RNPEPL1: variants seen among roughly 807,000 people sequenced by gnomAD.
The protein encoded by RNPEPL1 is arginyl aminopeptidase like 1, also known as aminopeptidase RNPEPL1.
RNPEPL1 carries 46 observed loss-of-function variants against 69.0 expected under a neutral mutation model. The ratio of observed to expected loss-of-function variants is 0.67; its 90% CI spans 0.53 to 0.85. RNPEPL1 has a LOEUF of 0.85. RNPEPL1 is among the 40% of genes least tolerant of loss of function. The pLI is 0.00. For missense variants in RNPEPL1, 869 were observed against 992.5 expected (o/e 0.88, Z 1.67); for synonymous variants, 525 against 454.1 (o/e 1.16, Z -1.98).
intron 8 of RNPEPL1, chr2:240,576,150 G>A (rs1189811789): frequency 6.5e-6 from 2 of 306,820 alleles, no homozygotes; most frequent in Non-Finnish European, 1.2e-5. Context: ...AATGGGCACT[G>A]CCCTTTAAGA....
chr2:240,572,998 G>C (rs931002419), intron 2 of RNPEPL1, 112 bp from the exon 3 acceptor site: 4 of 1,231,570 alleles, frequency 3.2e-6, no homozygotes, highest in Non-Finnish European at 4.4e-6. Flanking sequence ...GTTCCCTGAT[G>C]GGGATGTAGG....
chr2:240,574,945 C>G, intron 6 of RNPEPL1, 85 bp from the exon 7 acceptor site: 4 of 1,041,982 alleles, frequency 3.8e-6, no homozygotes, highest in Non-Finnish European at 6.0e-6. Flanking sequence ...CCTTGCTGCT[C>G]CTCGGAGCCT....
chr2:240,568,922 G>T lies in RNPEPL1; in HGVS notation c.336G>T (p.Gly112=). 1 of 1,311,656 alleles carries T rather than the reference G, an allele frequency of 7.6e-7. No homozygotes were observed. The highest frequency in any genetic ancestry group is 9.7e-7 in the Non-Finnish European group (1 of 1,035,802). 81.3% of individuals were successfully genotyped at this position (1,311,656 alleles called of 1,614,324 possible). Residue 112 remains glycine (G), a synonymous_variant, in exon 1 of 11, where the codon GGG becomes GGT. Transcript: ENST00000270357. This position sits in a 1 kb window ranked among gnomAD's most constrained non-coding sequence, Gnocchi z 6.2. ...TCGCCTTCTCCGCCCCCGGGCCGGG[G>T]CCCGCGCCGCCGCCCCCGCTGCCCG... ...CAFAFSAPGP[G]PAPPPPLPAF...
chr2:240,574,984 C>A, intron 6 of RNPEPL1, 46 bp from the exon 7 acceptor site: 1 of 1,421,804 alleles, frequency 7.0e-7, no homozygotes, highest in Non-Finnish European at 9.9e-7. Context: ...TTCCACGGGA[C>A]ACTGGTGGTT....
intron 2 of RNPEPL1, 94 bp from the exon 3 acceptor site, chr2:240,573,016 G>A: frequency 7.2e-7 from 1 of 1,387,324 alleles, no homozygotes; most frequent in South Asian, 1.5e-5. Flanking sequence ...AGGGTTTCCT[G>A]CTACGAATAT....
intron 1 of RNPEPL1, among the ~76,000 whole-genome samples, chr2:240,572,133 A>G (rs910634370): frequency 4.6e-5 from 7 of 152,258 alleles, no homozygotes; most frequent in Admixed American, 3.9e-4. Context: ...CCTTGGCGTT[A>G]GCTGGGAGAT....
intron 2 of RNPEPL1, among the ~76,000 whole-genome samples, 186 bp downstream of exon 2, chr2:240,572,749 G>C (rs967837376): frequency 1.3e-5 from 2 of 152,208 alleles, no homozygotes; most frequent in African/African-American, 2.4e-5. Context: ...GGGAAGCCGG[G>C]CTGCCTCCAA....
Position 240,578,058 on chromosome 2 carries a change from T to A in RNPEPL1, c.*166T>A. The A allele has an allele frequency of 1.6e-6, 1 of 625,032 alleles. No individual in the cohort carries two copies. Among genetic ancestry groups the A allele is most frequent in the Non-Finnish European group, 2.5e-6 (1 of 399,226 alleles). 38.7% of individuals were successfully genotyped at this position (625,032 alleles called of 1,614,324 possible). ...GGGAGAATGGGGAGAGGGACCTCCT[T>A]GTGTCTGGCAGAGACCTGTGGACCT... On this transcript the variant is annotated 3_prime_UTR_variant, in exon 11 of 11. Transcript: ENST00000270357.
intron 6 of RNPEPL1, 57 bp downstream of exon 6, chr2:240,574,685 C>CT: frequency 7.3e-7 from 1 of 1,368,454 alleles, no homozygotes; most frequent in Non-Finnish European, 1.0e-6. Context: ...TCAAGGCCTC[C>CT]TTGCCTGCCC....
rs765207204 is a variant in RNPEPL1, at chr2:240,574,308, G to A, written c.1134G>A (p.Leu378=). 10 of 1,605,394 alleles carry A rather than the reference G, an allele frequency of 6.2e-6. No homozygotes were observed. The Admixed American group carries it at 1.2e-4, about 19-fold the overall frequency. ...AAGAGATGTGGCTGAGCGAGGGCCT[G>A]GCCACCTATGCCCAGCGCCGTATCA... ...TWEEMWLSEG[L]ATYAQRRITT... The change falls in exon 5 of 11, where the codon CTG becomes CTA. Residue 378 remains leucine, a synonymous_variant. Transcript: ENST00000270357.
chr2:240,573,679 TG>T, intron 3 of RNPEPL1, 95 bp from the exon 4 acceptor site: 1 of 1,042,576 alleles, frequency 9.6e-7, no homozygotes, highest in Non-Finnish European at 1.4e-6. Context: ...GGGTGAGGTG[TG>T]GGTGTTACTG....
At position 240,577,586 on chromosome 2, in the gene RNPEPL1, G is replaced by A. The variant is rs371772644; in HGVS notation, c.1885-13G>A. On this transcript the variant is annotated splice_polypyrimidine_tract_variant and intron_variant, in intron 10 of 10. Transcript: ENST00000270357. Reference sequence around the variant, plus strand: ...GGGGAGCCCACCAGTGTGACCGAGTGCCCCTCCTGCAGATGTCACGCATGT... The same window carrying A: ...GGGGAGCCCACCAGTGTGACCGAGTACCCCTCCTGCAGATGTCACGCATGT... 8.4e-6 allele frequency: 13 copies of A among 1,545,102 alleles called. No individual in the cohort carries two copies. The highest frequency in any genetic ancestry group is 1.1e-5 in the Non-Finnish European group (13 of 1,137,080).
At chr2:240,573,732 C>T in intron 3 of RNPEPL1, 43 bp from the exon 4 acceptor site, 1 of 1,462,956 alleles carries the variant, frequency 6.8e-7, no homozygotes. Flanking sequence ...GTGAGCGGGG[C>T]TGGGGCTGCT....
rs904617042 is a variant in RNPEPL1 at position 240,580,835 on chromosome 2, A to G, written c.*2943A>G. ...TCAAAAAGGGAAAAGAAGCGTGATGAAAGACTGGTTTCTACAGAGATAGAT... is the reference window on the plus strand; with the variant it reads ...TCAAAAAGGGAAAAGAAGCGTGATGGAAGACTGGTTTCTACAGAGATAGAT... On this transcript the variant is annotated 3_prime_UTR_variant, in exon 11 of 11. Coordinates refer to ENST00000270357, the MANE Select transcript of RNPEPL1 (RefSeq NM_018226.6). 2.6e-5 allele frequency: 4 copies of G among 152,224 alleles called. No homozygotes were observed. Among genetic ancestry groups the G allele is most frequent in the Non-Finnish European group, 5.9e-5 (4 of 68,036 alleles). The allele number at this position is 152,224 out of a possible 1,614,324, so 9.4% of individuals were successfully genotyped here. A position where few individuals can be genotyped will look rare whatever the true frequency, so the allele number is the denominator to read the frequency against.
At chr2:240,575,360 T>G in intron 7 of RNPEPL1, 142 bp from the exon 8 acceptor site, 1 of 809,278 alleles carries the variant, frequency 1.2e-6, no homozygotes, top group South Asian at 1.6e-5. Context: ...GCGTGCCAAG[T>G]GCTGGCTCCG....
intron 10 of RNPEPL1, 140 bp downstream of exon 10, chr2:240,577,130 T>C: frequency 9.2e-7 from 1 of 1,085,140 alleles, no homozygotes; most frequent in Non-Finnish European, 1.3e-6. Flanking sequence ...TAGGGGTCTG[T>C]TGGGAGTGGG....
Position 240,568,507 on chromosome 2 carries a change from CG to C in RNPEPL1, c.-79del. The C allele has an allele frequency of 5.0e-6, 3 of 605,878 alleles. No homozygotes were observed. The highest frequency in any genetic ancestry group is 4.1e-6 in the Non-Finnish European group (2 of 486,126). The allele number at this position is 605,878 out of a possible 1,614,324, so 37.5% of individuals were successfully genotyped here. A position where few individuals can be genotyped will look rare whatever the true frequency, so the allele number is the denominator to read the frequency against. On this transcript the variant is annotated 5_prime_UTR_variant, in exon 1 of 11. Coordinates refer to ENST00000270357, the MANE Select transcript of RNPEPL1 (RefSeq NM_018226.6). This position sits in a 1 kb window ranked among gnomAD's most constrained non-coding sequence, Gnocchi z 6.2. Reference sequence around the variant, plus strand: ...GCGACTTCCTGTTGTGCCCGCGCCCCGCCGCCGCCGCCGCCCGGCGCCCCTC... The same window carrying C: ...GCGACTTCCTGTTGTGCCCGCGCCCCCCGCCGCCGCCGCCCGGCGCCCCTC...
rs2093034820 is a variant in RNPEPL1 at position 240,575,439 on chromosome 2, T to G, written c.1402-63T>G. ...CACGCCCTGCAGTGCCCTGCAGGCC[T>G]CTGGTGGGGCTGCCTGTGCCCCACC... On this transcript the variant is annotated intron_variant, in intron 7 of 10. Transcript: ENST00000270357. 4.9e-6 allele frequency: 7 copies of G among 1,418,434 alleles called. No individual in the cohort carries two copies. The East Asian group carries it at 1.4e-4, about 28-fold the overall frequency. The allele number at this position is 1,418,434 out of a possible 1,614,324, so 87.9% of individuals were successfully genotyped here.
At chr2:240,573,034 C>T in intron 2 of RNPEPL1, 76 bp from the exon 3 acceptor site, 12 of 1,456,268 alleles carry the variant, frequency 8.2e-6, no homozygotes, top group Admixed American at 2.5e-5. Flanking sequence ...TATGGGGCTG[C>T]CTGACAGGCT....
Sources: allele counts gnomAD v4.1 joint callset (sites outside exome capture counted in the v4.1 genomes callset), GRCh38; gene constraint gnomAD v4.1.1; non-coding constraint Gnocchi (gnomAD v3.1); transcripts MANE v1.5; gene names NCBI Gene and HGNC (gene_info 2026-07-23, HGNC 2026-07-21).